The following PRAMEF10 variants were observed in gnomAD, a reference collection of about 807,000 sequenced individuals.
PRAMEF10 encodes PRAME family member 10.
A neutral mutation model predicts 27.7 loss-of-function variants in PRAMEF10; 4 were observed. The ratio of observed to expected loss-of-function variants is 0.14; its 90% CI spans 0.07 to 0.33. The LOEUF is 0.33. Ranked by LOEUF, PRAMEF10 falls within the 10% of genes least tolerant of loss-of-function variation. The probability of loss-of-function intolerance (pLI) is 1.00; values close to 1 mark genes in which losing one functional copy is unlikely to be tolerated. For synonymous variants in PRAMEF10, 46 were observed against 176.0 expected, an observed-to-expected ratio of 0.26 and a Z score of 5.85; for missense variants, 99 against 453.9, an observed-to-expected ratio of 0.22 and a Z score of 7.10.
At chr1:12,897,770 T>C (rs1445842341) in intron 1 of PRAMEF10, among the ~76,000 whole-genome samples, 3 of 149,604 alleles carry the variant, frequency 2.0e-5, no homozygotes, top group African/African-American at 5.0e-5. Context: ...GGCATGAGAA[T>C]TGCTTGAGCC....
At chr1:12,896,290 C>T (rs1462735541) in intron 1 of PRAMEF10, among the ~76,000 whole-genome samples, 1 of 150,080 alleles carries the variant, frequency 6.7e-6, no homozygotes, top group Non-Finnish European at 1.5e-5. Flanking sequence ...TCCCAAAGTA[C>T]TGGGATTACA....
intron 1 of PRAMEF10, among the ~76,000 whole-genome samples, chr1:12,897,604 T>G (rs2020149): frequency 6.7e-6 from 1 of 149,308 alleles, no homozygotes; most frequent in Non-Finnish European, 1.5e-5. Context: ...TGGCTGTAAT[T>G]CCAGCACTTT....
Sources: gnomAD v4.1 joint callset for allele counts (sites outside exome capture counted in the v4.1 genomes callset) on GRCh38, gnomAD v4.1.1 for gene constraint, MANE v1.5 for transcripts, NCBI Gene and HGNC (gene_info 2026-07-23, HGNC 2026-07-21) for gene names.